Variants in TSPAN9 observed in about 807,000 individuals in gnomAD.
TSPAN9 encodes tetraspanin 9, also known as tetraspanin-9.
Under a neutral mutation model 31.0 loss-of-function variants are expected in TSPAN9, and 16 were observed. The ratio of observed to expected loss-of-function variants is 0.52; its 90% confidence interval spans 0.35 to 0.78. The LOEUF (loss-of-function observed/expected upper bound fraction) is 0.78, where lower values mean the gene tolerates loss of function less well. Among genes scored for constraint, TSPAN9 ranks in the 30% least tolerant of loss-of-function variants. The pLI, the probability that TSPAN9 is intolerant of heterozygous loss-of-function variation, is 0.01. For synonymous variants in TSPAN9, 145 were observed against 121.6 expected (o/e 1.19, Z -1.27); for missense variants, 272 against 312.5 (o/e 0.87, Z 0.98).
chr12:3,163,046 C>T (rs937703152), intron 2 of TSPAN9, among the ~76,000 whole-genome samples: 1 of 152,178 alleles, frequency 6.6e-6, no homozygotes, highest in African/African-American at 2.4e-5. Flanking sequence ...AAGTGTATTC[C>T]CATCCCCTTC....
At chr12:3,195,559 A>T (rs2098366645) in intron 2 of TSPAN9, among the ~76,000 whole-genome samples, 1 of 152,100 alleles carries the variant, frequency 6.6e-6, no homozygotes, top group East Asian at 1.9e-4. Flanking sequence ...TGCCAGAGGG[A>T]TGATGTCTCA....
At chr12:3,174,411 A>G (rs1314155008) in intron 2 of TSPAN9, among the ~76,000 whole-genome samples, 1 of 151,952 alleles carries the variant, frequency 6.6e-6, no homozygotes, top group Non-Finnish European at 1.5e-5. Context: ...TGATTTCTAG[A>G]TTTCCTTCCA....
At chr12:3,230,540 G>A (rs910689884) in intron 3 of TSPAN9, among the ~76,000 whole-genome samples, 7 of 152,270 alleles carry the variant, frequency 4.6e-5, no homozygotes, top group Non-Finnish European at 8.8e-5. Flanking sequence ...AAAACAGTAA[G>A]TCATTTGCTT....
chr12:3,206,167 G>A, intron 3 of TSPAN9: 3 of 393,376 alleles, frequency 7.6e-6, no homozygotes, highest in South Asian at 3.7e-5. Flanking sequence ...GGCTGAACTT[G>A]GTGGCAGACT....
At position 3,285,167 on chromosome 12, in the gene TSPAN9, A is replaced by G. The variant is rs1862990557; in HGVS notation, c.*2051A>G. ...TCAGCCGCCTCCGCAGGAACCCCCA[A>G]AGTGCAGATTCCGGAGCAGACACAT... On this transcript the variant is annotated 3_prime_UTR_variant, in exon 9 of 9. Coordinates refer to ENST00000011898, the MANE Select transcript of TSPAN9 (RefSeq NM_006675.5). 1 of 149,442 alleles carries G rather than the reference A, an allele frequency of 6.7e-6. No individual in the cohort carries two copies. Among genetic ancestry groups the G allele is most frequent in the East Asian group, 2.0e-4 (1 of 4,950 alleles). The allele number at this position is 149,442 out of a possible 1,614,324, so 9.3% of individuals were successfully genotyped here.
intron 3 of TSPAN9, among the ~76,000 whole-genome samples, chr12:3,269,203 T>TCTGTGTTCCTGCAGCCTGCC (rs1862615999): frequency 1.2e-5 from 1 of 80,870 alleles, no homozygotes; most frequent in Non-Finnish European, 2.8e-5. Flanking sequence ...GCCTGCCCTC[T>TCTGTGTTCCTGCAGCCTGCC]CTGTGTTCCT....
At chr12:3,100,859 C>T (rs2098311564) in intron 2 of TSPAN9, among the ~76,000 whole-genome samples, 1 of 152,190 alleles carries the variant, frequency 6.6e-6, no homozygotes, top group Non-Finnish European at 1.5e-5. Context: ...TTCTCATTAT[C>T]CCTTGTACCT....
chr12:3,107,934 C>G lies in TSPAN9; in HGVS notation c.-18+24215C>G, dbSNP rs568629799. Among the ~76,000 whole-genome samples, 2 of 152,302 alleles carry G rather than the reference C, an allele frequency of 1.3e-5. No homozygotes were observed. The highest frequency in any genetic ancestry group is 4.1e-4 in the South Asian group (2 of 4,828). ...CTGGACCAACCTCGTGCTATTTATA[C>G]TTTCAACTCTATTCCTAAACCCAGT... On this transcript the variant is annotated intron_variant, in intron 2 of 8. Coordinates refer to ENST00000011898, the MANE Select transcript of TSPAN9 (RefSeq NM_006675.5). The surrounding 1 kb of genome is among the most constrained non-coding windows in gnomAD (Gnocchi z 4.1).
chr12:3,211,992 G>A, intron 3 of TSPAN9: 1 of 868,836 alleles, frequency 1.2e-6, no homozygotes, highest in Non-Finnish European at 1.8e-6. Flanking sequence ...TATTTTTTGA[G>A]ATATAATCTT....
chr12:3,278,295 G>A (rs1315944180), intron 3 of TSPAN9, 126 bp from the exon 4 acceptor site: 14 of 1,376,972 alleles, frequency 1.0e-5, no homozygotes, highest in Middle Eastern at 2.6e-4. Flanking sequence ...CGGTAGTCCC[G>A]TTCTCACCTT....
At chr12:3,233,664 T>G (rs1007223874) in intron 3 of TSPAN9, among the ~76,000 whole-genome samples, 14 of 152,254 alleles carry the variant, frequency 9.2e-5, no homozygotes, top group Non-Finnish European at 4.4e-5. Flanking sequence ...GTGTGTTCAT[T>G]GTTACCAGTT....
At chr12:3,174,720 C>T (rs80343281) in intron 2 of TSPAN9, among the ~76,000 whole-genome samples, 48,244 of 143,000 alleles carry the variant, frequency 0.34, 10,325 homozygotes, top group South Asian at 0.5. Context: ...GTAGCTGGGA[C>T]TACAGGCGCC....
At chr12:3,256,736 C>T (rs1379577376) in intron 3 of TSPAN9, among the ~76,000 whole-genome samples, 3 of 152,140 alleles carry the variant, frequency 2.0e-5, no homozygotes, top group Non-Finnish European at 2.9e-5. Context: ...CCCAAAGTCA[C>T]GACTATTTCG....
chr12:3,162,409 C>T (rs2098345881), intron 2 of TSPAN9, among the ~76,000 whole-genome samples: 1 of 152,154 alleles, frequency 6.6e-6, no homozygotes, highest in Admixed American at 6.5e-5. Flanking sequence ...TGGTGAAGGT[C>T]AGAACAGGAG....
chr12:3,140,791 T>C (rs945831357), intron 2 of TSPAN9, among the ~76,000 whole-genome samples: 6 of 152,020 alleles, frequency 3.9e-5, no homozygotes, highest in African/African-American at 1.5e-4. Flanking sequence ...GCTGTGAGGT[T>C]CCTGGGAAAG....
At chr12:3,086,140 T>C (rs1257112140) in intron 2 of TSPAN9, among the ~76,000 whole-genome samples, 1 of 152,250 alleles carries the variant, frequency 6.6e-6, no homozygotes, top group African/African-American at 2.4e-5. Context: ...TGAGAATATC[T>C]GCCTGGAGCA....
intron 3 of TSPAN9, among the ~76,000 whole-genome samples, chr12:3,267,317 G>T (rs1565638771): frequency 6.6e-6 from 1 of 152,348 alleles, no homozygotes; most frequent in East Asian, 1.9e-4. Context: ...AAAGTGCTCG[G>T]CAGGCGGAAC....
chr12:3,085,942 C>T (rs1484968169), intron 2 of TSPAN9, among the ~76,000 whole-genome samples: 3 of 152,192 alleles, frequency 2.0e-5, no homozygotes, highest in African/African-American at 4.8e-5. Context: ...TCCCCTGCCC[C>T]GTGAGTGGCG....
intron 3 of TSPAN9, chr12:3,211,549 A>G: frequency 1.2e-6 from 1 of 865,840 alleles, no homozygotes; most frequent in South Asian, 1.7e-5. Flanking sequence ...ATTTTGGTTG[A>G]CCTTTCATTG....
Sources: allele counts gnomAD v4.1 joint callset (sites outside exome capture counted in the v4.1 genomes callset), GRCh38; gene constraint gnomAD v4.1.1; non-coding constraint Gnocchi (gnomAD v3.1); transcripts MANE v1.5; gene names NCBI Gene and HGNC (gene_info 2026-07-23, HGNC 2026-07-21).